The following NRG3 variants were observed in gnomAD, a reference collection of about 807,000 sequenced individuals.
NRG3 encodes pro-neuregulin-3, membrane-bound isoform.
NRG3 carries 31 observed loss-of-function variants against 66.9 expected under a neutral mutation model. The observed-to-expected ratio is 0.46, with a 90% CI of 0.35 to 0.63. NRG3 has a LOEUF of 0.63. Among genes scored for constraint, NRG3 ranks in the 20% least tolerant of loss-of-function variants. The probability of loss-of-function intolerance (pLI) is 0.00; values close to 1 mark genes in which losing one functional copy is unlikely to be tolerated. For synonymous variants in NRG3, 393 were observed against 359.4 expected, an observed-to-expected ratio of 1.09 and a Z score of -1.06; for missense variants, 910 against 878.9, an observed-to-expected ratio of 1.04 and a Z score of -0.45.
chr10:82,507,304 G>A (rs1182838013), intron 2 of NRG3, among the ~76,000 whole-genome samples: 1 of 152,164 alleles, frequency 6.6e-6, no homozygotes, highest in Admixed American at 6.5e-5. Context: ...GTGGGCATGG[G>A]TTGATTTCTA....
chr10:82,732,767 G>T (rs188330996), intron 2 of NRG3, among the ~76,000 whole-genome samples: 2 of 152,300 alleles, frequency 1.3e-5, no homozygotes, highest in South Asian at 2.1e-4. Flanking sequence ...GAGCAGCCAG[G>T]CTTCAAAACC....
intron 1 of NRG3, among the ~76,000 whole-genome samples, chr10:82,048,023 G>A (rs992118997): frequency 6.6e-5 from 10 of 150,962 alleles, no homozygotes; most frequent in African/African-American, 2.2e-4. Flanking sequence ...TAATGGTAAA[G>A]GGATCAATTA....
chr10:82,757,049 A>G (rs930342289), intron 3 of NRG3, among the ~76,000 whole-genome samples: 1 of 152,032 alleles, frequency 6.6e-6, no homozygotes, highest in African/African-American at 2.4e-5. Flanking sequence ...CTCTTCCTAA[A>G]CAGAAACAAT....
At chr10:82,958,853 A>T in intron 5 of NRG3, 96 bp from the exon 6 acceptor site, 3 of 1,337,462 alleles carry the variant, frequency 2.2e-6, no homozygotes, top group Non-Finnish European at 3.0e-6. Flanking sequence ...AACTTTAGCA[A>T]ATAACAAATA....
At chr10:82,011,434 C>A (rs1000391444) in intron 1 of NRG3, among the ~76,000 whole-genome samples, 3 of 152,106 alleles carry the variant, frequency 2.0e-5, no homozygotes, top group African/African-American at 7.2e-5. Context: ...TATCATTCCA[C>A]CCCCGGCCCC....
chr10:82,670,603 A>G (rs1468309769), intron 2 of NRG3, among the ~76,000 whole-genome samples: 1 of 152,152 alleles, frequency 6.6e-6, no homozygotes, highest in Non-Finnish European at 1.5e-5. Flanking sequence ...TTACCTGTCT[A>G]GCAATAGATT....
intron 1 of NRG3, among the ~76,000 whole-genome samples, chr10:81,954,638 C>T (rs896644303): frequency 1.3e-5 from 2 of 151,936 alleles, no homozygotes; most frequent in African/African-American, 4.8e-5. Flanking sequence ...TCATTGTGTA[C>T]ACCCAGAATA....
chr10:82,429,264 ATC>A, intron 2 of NRG3, among the ~76,000 whole-genome samples: 1 of 152,010 alleles, frequency 6.6e-6, no homozygotes, highest in Non-Finnish European at 1.5e-5. Flanking sequence ...TATTTATATT[ATC>A]TGTTATATTT....
At chr10:82,321,694 T>G (rs1476290843) in intron 1 of NRG3, among the ~76,000 whole-genome samples, 1 of 152,230 alleles carries the variant, frequency 6.6e-6, no homozygotes, top group Admixed American at 6.5e-5. Context: ...TGATTTGTCT[T>G]GCTAGGAGCA....
At chr10:82,270,078 C>T (rs1303815423) in intron 1 of NRG3, among the ~76,000 whole-genome samples, 2 of 152,134 alleles carry the variant, frequency 1.3e-5, no homozygotes, top group Non-Finnish European at 2.9e-5. Flanking sequence ...TTGGCAGACC[C>T]TCAAAAACTG....
intron 2 of NRG3, among the ~76,000 whole-genome samples, chr10:82,363,151 G>A (rs2084295594): frequency 6.6e-6 from 1 of 151,966 alleles, no homozygotes; most frequent in African/African-American, 2.4e-5. Context: ...TAGATCAAAG[G>A]GTAACATTAA....
At chr10:82,264,552 A>C (rs1407498465) in intron 1 of NRG3, among the ~76,000 whole-genome samples, 1 of 152,226 alleles carries the variant, frequency 6.6e-6, no homozygotes, top group Non-Finnish European at 1.5e-5. Flanking sequence ...TTAAACCCAC[A>C]GACTGGATAA....
intron 2 of NRG3, among the ~76,000 whole-genome samples, chr10:82,684,573 T>C (rs2054361116): frequency 7.4e-6 from 1 of 134,686 alleles, no homozygotes; most frequent in Non-Finnish European, 1.5e-5. Flanking sequence ...TACTGCTTTC[T>C]TTTTTTCTTT....
intron 2 of NRG3, among the ~76,000 whole-genome samples, chr10:82,658,580 A>G (rs561096297): frequency 5.3e-5 from 8 of 152,258 alleles, no homozygotes; most frequent in African/African-American, 1.9e-4. Flanking sequence ...AAGAGTATGT[A>G]CTAATTGATT....
At chr10:82,392,251 T>C (rs1425120373) in intron 2 of NRG3, among the ~76,000 whole-genome samples, 2 of 152,138 alleles carry the variant, frequency 1.3e-5, no homozygotes, top group African/African-American at 4.8e-5. Flanking sequence ...GCTTCTGTGA[T>C]AAAGCGAGAA....
At chr10:82,334,423 G>C (rs1374575270) in intron 1 of NRG3, among the ~76,000 whole-genome samples, 3 of 152,172 alleles carry the variant, frequency 2.0e-5, no homozygotes, top group South Asian at 2.1e-4. Context: ...ATGACAAAAG[G>C]AATGTGGAAT....
At chr10:82,861,229 C>T (rs938703818) in intron 3 of NRG3, among the ~76,000 whole-genome samples, 14 of 151,938 alleles carry the variant, frequency 9.2e-5, no homozygotes, top group African/African-American at 3.4e-4. Context: ...TGAGAGTTAA[C>T]TTTTTATTTG....
At chr10:81,978,388 C>T (rs1055120172) in intron 1 of NRG3, among the ~76,000 whole-genome samples, 2 of 152,110 alleles carry the variant, frequency 1.3e-5, no homozygotes, top group African/African-American at 2.4e-5. Context: ...AGAAGCACAT[C>T]GAAGAGCCAT....
chr10:82,321,931 T>C (rs2081600666), intron 1 of NRG3, among the ~76,000 whole-genome samples: 2 of 152,210 alleles, frequency 1.3e-5, no homozygotes, highest in South Asian at 2.1e-4. Flanking sequence ...ATCAAAGTGC[T>C]GTCTGAATTA....
Sources: gnomAD v4.1 joint callset for allele counts (sites outside exome capture counted in the v4.1 genomes callset) on GRCh38, gnomAD v4.1.1 for gene constraint, MANE v1.5 for transcripts, NCBI Gene and HGNC (gene_info 2026-07-23, HGNC 2026-07-21) for gene names.